DNAH1: variants seen among roughly 807,000 people sequenced by gnomAD.
DNAH1 encodes dynein axonemal heavy chain 1.
Under a neutral mutation model 484.3 loss-of-function variants are expected in DNAH1, and 327 were observed. That is an observed-to-expected ratio of 0.68 (90% CI 0.62 to 0.74). The LOEUF is 0.74. Ranked by LOEUF, DNAH1 falls within the 30% of genes least tolerant of loss-of-function variation. The pLI is 0.00. For synonymous variants in DNAH1, 2,192 were observed against 2,191.9 expected (o/e 1.00, Z 0.00); for missense variants, 5,052 against 5,546.8 (o/e 0.91, Z 2.83).
intron 4 of DNAH1, 137 bp downstream of exon 4, chr3:52,326,451 C>G (rs1701348739): frequency 8.6e-7 from 1 of 1,167,816 alleles, no homozygotes; most frequent in Non-Finnish European, 1.2e-6. Context: ...AATCTTCTAG[C>G]CCTTTGGTGT....
In DNAH1 at chr3:52,347,400, C is replaced by T. The variant is rs1314140243; in HGVS notation, c.1956-424C>T. Among the ~76,000 whole-genome samples the T allele has an allele frequency of 3.3e-5, 5 of 152,154 alleles. No homozygotes were observed. The East Asian group carries it at 9.6e-4, about 29-fold the overall frequency. Reference sequence around the variant, plus strand: ...GGGACCAGGCCAGATCTCTTGGGGCCTCCTGAGGTCTCAGCTGGGGGCTGG... The same window carrying T: ...GGGACCAGGCCAGATCTCTTGGGGCTTCCTGAGGTCTCAGCTGGGGGCTGG... On this transcript the variant is annotated intron_variant, in intron 11 of 77. Transcript: ENST00000420323.
chr3:52,315,768 CT>C (rs1248423321), upstream of DNAH1, among the ~76,000 whole-genome samples: 3 of 152,240 alleles, frequency 2.0e-5, no homozygotes, highest in Non-Finnish European at 4.4e-5. Context: ...GTATGGTGGC[CT>C]TCAGGACAGG....
At position 52,381,603 on chromosome 3, in the gene DNAH1, G is replaced by A. The variant is rs1335554842; in HGVS notation, c.7609-37G>A. ...GAATCGGGGAGACCCTACAGTAAGAGAGACCCCGCCTTCCCCATCCTCGCC... is the reference window on the plus strand; with the variant it reads ...GAATCGGGGAGACCCTACAGTAAGAAAGACCCCGCCTTCCCCATCCTCGCC... On this transcript the variant is annotated intron_variant, in intron 48 of 77. Coordinates refer to ENST00000420323, the MANE Select transcript of DNAH1 (RefSeq NM_015512.5). This position sits in a 1 kb window ranked among gnomAD's most constrained non-coding sequence, Gnocchi z 4.1. 1.9e-6 allele frequency: 3 copies of A among 1,552,650 alleles called. No homozygotes were observed. The highest frequency in any genetic ancestry group is 2.7e-5 in the African/African-American group (2 of 73,530).
chr3:52,389,622 C>T (rs1704282890), intron 60 of DNAH1, 36 bp downstream of exon 60: 1 of 1,383,990 alleles, frequency 7.2e-7, no homozygotes, highest in Non-Finnish European at 9.4e-7. Context: ...CCAGGCAGGG[C>T]CTGTGGTGTG....
chr3:52,352,828 G>C, intron 18 of DNAH1, 121 bp downstream of exon 18: 6 of 1,413,384 alleles, frequency 4.2e-6, no homozygotes, highest in Non-Finnish European at 4.7e-6. Flanking sequence ...AGGCTGCAGA[G>C]TGGAGATAGC....
In DNAH1 at chr3:52,375,390, C is replaced by T. The variant is rs1245783806; in HGVS notation, c.7136C>T (p.Ser2379Phe). ...MDEVSKKRIF[S>F]TILGNWLDGL... ...GAGGTCAGCAAGAAACGCATCTTCT[C>T]CACCATCCTGGGCAACTGGTTGGGT... Residue 2379 changes from serine to phenylalanine, a missense_variant, in exon 45 of 78, where the codon TCC (serine) becomes TTC (phenylalanine). By Grantham distance (155) the Ser-to-Phe change is radical. Around this residue, in one of 4 missense-constraint regions of DNAH1, gnomAD observed 2,929 missense variants for 3,409.4 expected, o/e 0.86. Coordinates refer to ENST00000420323, the MANE Select transcript of DNAH1 (RefSeq NM_015512.5). 1.2e-5 allele frequency: 20 copies of T among 1,613,248 alleles called. No individual in the cohort carries two copies. The highest frequency in any genetic ancestry group is 1.7e-5 in the Non-Finnish European group (20 of 1,179,676).
At chr3:52,330,635 T>C (rs764716040) in intron 6 of DNAH1, among the ~76,000 whole-genome samples, 2 of 152,044 alleles carry the variant, frequency 1.3e-5, no homozygotes, top group Non-Finnish European at 2.9e-5. Context: ...AGGAAACCAG[T>C]GGGAGGCCAA....
chr3:52,319,405 C>T (rs1168210485), intron 1 of DNAH1, among the ~76,000 whole-genome samples: 2 of 152,246 alleles, frequency 1.3e-5, no homozygotes, highest in Non-Finnish European at 1.5e-5. Flanking sequence ...CACCTAACTT[C>T]TCTGAGCTTC....
At chr3:52,325,681 A>G (rs980886906) in intron 3 of DNAH1, among the ~76,000 whole-genome samples, 1 of 152,160 alleles carries the variant, frequency 6.6e-6, no homozygotes, top group Non-Finnish European at 1.5e-5. Context: ...GGAGCCACCC[A>G]CAGTATCCAG....
chr3:52,377,209 G>T (rs1050999293), intron 46 of DNAH1, among the ~76,000 whole-genome samples: 1 of 151,976 alleles, frequency 6.6e-6, no homozygotes, highest in Admixed American at 6.5e-5. Flanking sequence ...CGAGTACCCC[G>T]GTCCCCGCAC....
chr3:52,358,140 G>A lies in DNAH1; in HGVS notation c.4086+137G>A, dbSNP rs1252163457. The A allele has an allele frequency of 2.7e-6, 2 of 729,796 alleles. No individual in the cohort carries two copies. Among genetic ancestry groups the A allele is most frequent in the Non-Finnish European group, 4.3e-6 (2 of 459,878 alleles). The allele number at this position is 729,796 out of a possible 1,614,324, so 45.2% of individuals were successfully genotyped here. On this transcript the variant is annotated intron_variant, in intron 24 of 77. Transcript: ENST00000420323. The surrounding 1 kb of genome is among the most constrained non-coding windows in gnomAD (Gnocchi z 4.2). ...CCTGGTCTTTGGAGACACACCTGGG[G>A]CCTGTGGGAGGAAGGTCAACTGCAG... is the stretch of plus-strand genomic sequence containing the variant.
At position 52,399,731 on chromosome 3, in the gene DNAH1, G is replaced by T. The variant is rs368939711; in HGVS notation, c.12628G>T (p.Asp4210Tyr). Reference protein sequence around the residue: ...LLPTPNRKAQDQDFYLCPIYK... With the variant: ...LLPTPNRKAQYQDFYLCPIYK... ...GCCAACACCCAACCGCAAGGCCCAGGACCAGGACTTTTACCTGTGCCCCAT... is the reference window on the plus strand; with the variant it reads ...GCCAACACCCAACCGCAAGGCCCAGTACCAGGACTTTTACCTGTGCCCCAT... Residue 4210 changes from aspartate (D) to tyrosine (Y), a missense_variant, in exon 77 of 78, where the codon GAC (aspartate) becomes TAC (tyrosine). Coordinates refer to ENST00000420323, the MANE Select transcript of DNAH1 (RefSeq NM_015512.5). 1.1e-5 allele frequency: 18 copies of T among 1,613,878 alleles called. No homozygotes were observed. In the African/African-American group the frequency reaches 2.3e-4, roughly 20 times the overall value.
chr3:52,380,845 TC>T (rs1703813516), intron 48 of DNAH1, among the ~76,000 whole-genome samples: 1 of 152,156 alleles, frequency 6.6e-6, no homozygotes, highest in Non-Finnish European at 1.5e-5. Flanking sequence ...CCCCAAGCCA[TC>T]CCTAGATTGG....
chr3:52,341,367 A>G (rs1202637064), intron 8 of DNAH1, among the ~76,000 whole-genome samples: 2 of 152,140 alleles, frequency 1.3e-5, no homozygotes, highest in Non-Finnish European at 1.5e-5. Flanking sequence ...CTCAGGAGAA[A>G]TCTATAAGGA....
rs773835395 is a variant in DNAH1 at position 52,381,583 on chromosome 3, G to A, written c.7609-57G>A. On this transcript the variant is annotated intron_variant, in intron 48 of 77. Coordinates refer to ENST00000420323, the MANE Select transcript of DNAH1 (RefSeq NM_015512.5). The surrounding 1 kb of genome is among the most constrained non-coding windows in gnomAD (Gnocchi z 4.1). ...AGAAAGCGGGTGGGTGGGGGGAATC[G>A]GGGAGACCCTACAGTAAGAGAGACC... 2.1e-5 allele frequency: 31 copies of A among 1,486,050 alleles called. No homozygotes were observed. The East Asian group carries it at 4.5e-4, about 21-fold the overall frequency. The allele number at this position is 1,486,050 out of a possible 1,614,324, so 92.1% of individuals were successfully genotyped here.
chr3:52,373,797 A>G (rs1286799228), intron 44 of DNAH1: 2 of 1,420,006 alleles, frequency 1.4e-6, no homozygotes, highest in East Asian at 4.6e-5. Flanking sequence ...GGTAGAATAT[A>G]TCACCCATAA....
chr3:52,395,715 G>A lies in DNAH1; in HGVS notation c.11259+37G>A, dbSNP rs375813551. The stretch of plus-strand genomic sequence containing the variant: ...TGCCCATCACAGACCCAGTGGGGCC[G>A]CCTCTGCATCCATCAGGGACTAATG... On this transcript the variant is annotated intron_variant, in intron 70 of 77. Transcript: ENST00000420323. This position sits in a 1 kb window ranked among gnomAD's most constrained non-coding sequence, Gnocchi z 4.4. 2.1e-4 allele frequency: 338 copies of A among 1,599,094 alleles called. No homozygotes were observed. The Middle Eastern group carries it at 9.4e-3, about 45-fold the overall frequency.
chr3:52,346,051 A>G, intron 10 of DNAH1, among the ~76,000 whole-genome samples: 1 of 152,138 alleles, frequency 6.6e-6, no homozygotes, highest in East Asian at 1.9e-4. Flanking sequence ...GGATTGGGGT[A>G]TGAGGGAGGT....
At position 52,383,176 on chromosome 3, in the gene DNAH1, C is replaced by T. The variant is rs529697098; in HGVS notation, c.7942-210C>T. On this transcript the variant is annotated intron_variant, in intron 50 of 77. Transcript: ENST00000420323. ...GTGAGGACCCAGTGTCCTGCCACAACCCAGTGGTTTTCAGAGCTTCTACAT... is the reference window on the plus strand; with the variant it reads ...GTGAGGACCCAGTGTCCTGCCACAATCCAGTGGTTTTCAGAGCTTCTACAT... Among the ~76,000 whole-genome samples the T allele has an allele frequency of 7.2e-5, 11 of 152,334 alleles. No individual in the cohort carries two copies. The South Asian group carries it at 2.3e-3, about 32-fold the overall frequency.
Sources: gnomAD v4.1 joint callset for allele counts (sites outside exome capture counted in the v4.1 genomes callset) on GRCh38, gnomAD v4.1.1 for gene constraint, gnomAD v4.1.1 regional missense constraint, Gnocchi (gnomAD v3.1) non-coding constraint, MANE v1.5 for transcripts, NCBI Gene and HGNC (gene_info 2026-07-23, HGNC 2026-07-21) for gene names.